The following CLPTM1L variants were observed in gnomAD, a reference collection of about 807,000 sequenced individuals.
The protein encoded by CLPTM1L is CLPTM1 like, also known as lipid scramblase CLPTM1L.
CLPTM1L carries 38 observed loss-of-function variants against 70.9 expected under a neutral mutation model. The ratio of observed to expected loss-of-function variants is 0.54; its 90% CI spans 0.41 to 0.70. The LOEUF (loss-of-function observed/expected upper bound fraction) is 0.70, where lower values mean the gene tolerates loss of function less well. Among genes scored for constraint, CLPTM1L ranks in the 30% least tolerant of loss-of-function variants. The pLI is 0.00. For synonymous variants in CLPTM1L, 339 were observed against 299.9 expected (o/e 1.13, Z -1.35); for missense variants, 652 against 705.9 (o/e 0.92, Z 0.87).
chr5:1,323,453 G>T (rs1284764932), intron 12 of CLPTM1L, among the ~76,000 whole-genome samples: 3 of 147,768 alleles, frequency 2.0e-5, no homozygotes, highest in Admixed American at 1.4e-4. Context: ...CACCCAGGCA[G>T]CAGAGGCCGG....
chr5:1,336,699 A>G (rs1290973118), intron 5 of CLPTM1L, among the ~76,000 whole-genome samples: 3 of 152,136 alleles, frequency 2.0e-5, no homozygotes, highest in Non-Finnish European at 4.4e-5. Flanking sequence ...CAGAGAAACT[A>G]CTCAGGGATA....
intron 4 of CLPTM1L, 30 bp downstream of exon 4, chr5:1,338,830 C>T: frequency 6.2e-7 from 1 of 1,611,686 alleles, no homozygotes; most frequent in Non-Finnish European, 8.5e-7. Flanking sequence ...CACCCTCCCC[C>T]CGGCGCTCCA....
chr5:1,330,557 AG>A, intron 8 of CLPTM1L, 174 bp from the exon 9 acceptor site: 1 of 594,414 alleles, frequency 1.7e-6, no homozygotes. Context: ...TTCAGCAGCT[AG>A]GAAAGTGTTT....
At chr5:1,332,666 G>C (rs116698139) in intron 7 of CLPTM1L, among the ~76,000 whole-genome samples, 128 of 152,326 alleles carry the variant, frequency 8.4e-4, no homozygotes, top group African/African-American at 3.0e-3. Context: ...CGGTTAGCAC[G>C]GAGCAGTGCG....
intron 5 of CLPTM1L, among the ~76,000 whole-genome samples, chr5:1,337,682 C>T (rs538362000): frequency 2.4e-4 from 36 of 152,368 alleles, no homozygotes; most frequent in African/African-American, 8.2e-4. Context: ...AGTCCAGAGG[C>T]TCAGCAGGAC....
chr5:1,332,890 CT>C (rs750210981), intron 7 of CLPTM1L, among the ~76,000 whole-genome samples: 17 of 152,320 alleles, frequency 1.1e-4, no homozygotes, highest in Non-Finnish European at 1.6e-4. Context: ...AACACACCCC[CT>C]GAGGATGAGG....
chr5:1,330,207 G>C, intron 9 of CLPTM1L, 73 bp downstream of exon 9: 1 of 1,260,690 alleles, frequency 7.9e-7, no homozygotes, highest in Non-Finnish European at 1.2e-6. Context: ...TCAGGTCCCG[G>C]GGCTGAAAGC....
chr5:1,331,947 G>T, intron 7 of CLPTM1L, 64 bp from the exon 8 acceptor site: 1 of 1,369,484 alleles, frequency 7.3e-7, no homozygotes, highest in Non-Finnish European at 1.0e-6. Flanking sequence ...GTGAGACAGA[G>T]ATAGAGGCTT....
rs911097268 is a variant in CLPTM1L at position 1,344,947 on chromosome 5, C to CG, written c.-107dup. On this transcript the variant is annotated 5_prime_UTR_variant, in exon 1 of 17. The change abolishes the stop of an existing upstream ORF in the 5' untranslated region. Coordinates refer to ENST00000320895, the MANE Select transcript of CLPTM1L (RefSeq NM_030782.5). ...CGGGCTCCGCCGCTCACTGGAGAGC[C>CG]GCCGCGCGCCACCGCCACCGCCGCG... 3.9e-5 allele frequency: 24 copies of CG among 619,810 alleles called. No individual in the cohort carries two copies. The highest frequency in any genetic ancestry group is 4.8e-5 in the Non-Finnish European group (24 of 497,486). The allele number at this position is 619,810 out of a possible 1,614,324, so 38.4% of individuals were successfully genotyped here.
At chr5:1,333,690 C>T (rs1439141594) in intron 7 of CLPTM1L, among the ~76,000 whole-genome samples, 13 of 95,212 alleles carry the variant, frequency 1.4e-4, no homozygotes, top group South Asian at 3.0e-4. Flanking sequence ...CTACTGTAGA[C>T]ACACCGCAAG....
At chr5:1,340,071 G>A (rs1272077767) in intron 3 of CLPTM1L, among the ~76,000 whole-genome samples, 2 of 152,204 alleles carry the variant, frequency 1.3e-5, no homozygotes, top group Non-Finnish European at 2.9e-5. Flanking sequence ...CCAGACTCTC[G>A]CCAAACAGCC....
intron 9 of CLPTM1L, among the ~76,000 whole-genome samples, chr5:1,328,964 GACACATTTCATACA>G (rs1752876278): frequency 6.6e-6 from 1 of 152,004 alleles, no homozygotes; most frequent in Non-Finnish European, 1.5e-5. Context: ...CTCCTCTACA[GACACATTTCATACA>G]GCTCCTCCTC....
rs201366704 is a variant in CLPTM1L at position 1,322,920 on chromosome 5, GA to G, written c.1281-10del. 4 of 1,606,822 alleles carry G rather than the reference GA, an allele frequency of 2.5e-6. No homozygotes were observed. Among genetic ancestry groups the G allele is most frequent in the East Asian group, 2.2e-5 (1 of 44,838 alleles). ...TTAACCAGGAGTACCAGCTGAAACG[GA>G]AAAAAAAGGAGAAGTCCTATTTCTC... On this transcript the variant is annotated splice_polypyrimidine_tract_variant and intron_variant, in intron 12 of 16. Transcript: ENST00000320895.
Position 1,331,854 on chromosome 5 carries a change from AT to A in CLPTM1L, c.920del (p.Asn307MetfsTer12). 6.2e-7 allele frequency: 1 copy of A among 1,613,378 alleles called. No individual in the cohort carries two copies. Among genetic ancestry groups the A allele is most frequent in the Non-Finnish European group, 8.5e-7 (1 of 1,179,960 alleles). Reference protein sequence around the residue: ...HLLFDFLAFKNDISFWKKKKS... With the variant: ...HLLFDFLAFKXDISFWKKKKS... Reference sequence around the variant, plus strand: ...TCTTCTTCTTCCAGAAACTGATGTCATTTTTAAAGGCCAGGAAATCAAAGAG... The same window carrying A: ...TCTTCTTCTTCCAGAAACTGATGTCATTTTAAAGGCCAGGAAATCAAAGAG... On this transcript the variant is annotated frameshift_variant, in exon 8 of 17. Transcript: ENST00000320895. LOFTEE classifies it high-confidence loss of function.
At chr5:1,325,621 C>T in intron 10 of CLPTM1L, 130 bp downstream of exon 10, 2 of 737,726 alleles carry the variant, frequency 2.7e-6, no homozygotes, top group Non-Finnish European at 4.8e-6. Context: ...GTGCTGCCTC[C>T]ACCACGGAGG....
At chr5:1,344,572 C>T (rs1274875024) in intron 1 of CLPTM1L, 108 bp downstream of exon 1, 3 of 1,455,098 alleles carry the variant, frequency 2.1e-6, no homozygotes, top group Non-Finnish European at 1.9e-6. Flanking sequence ...GGTTCCATCT[C>T]GACTCGCGCG....
At chr5:1,344,291 A>T in intron 2 of CLPTM1L, 60 bp downstream of exon 2, 1 of 1,159,310 alleles carries the variant, frequency 8.6e-7, no homozygotes, top group Non-Finnish European at 1.3e-6. Context: ...GCTAACTTTT[A>T]AACAATCTGA....
rs1254856335 is a variant in CLPTM1L, at chr5:1,335,174, C to T, written c.679G>A (p.Val227Ile). 2.6e-5 allele frequency: 42 copies of T among 1,612,256 alleles called. No individual in the cohort carries two copies. The highest frequency in any genetic ancestry group is 3.5e-5 in the Non-Finnish European group (41 of 1,179,002). Residue 227 changes from valine to isoleucine, a missense_variant and splice_region_variant, in exon 6 of 17, where the codon GTC (valine) becomes ATC (isoleucine). By Grantham distance (29) the Val-to-Ile change is conservative. This residue lies in a region of CLPTM1L where 402 missense variants were observed against 388.2 expected (regional missense o/e 1.04). Coordinates refer to ENST00000320895, the MANE Select transcript of CLPTM1L (RefSeq NM_030782.5). ...QLSNRVKDLM[V>I]INRSTTELPL... ...AGCTCGGTGGTGGAGCGGTTTATGA[C>T]CTGATGAAGAAAGCCACACTGAGGG...
At chr5:1,336,836 G>A (rs1318138083) in intron 5 of CLPTM1L, among the ~76,000 whole-genome samples, 7 of 152,184 alleles carry the variant, frequency 4.6e-5, no homozygotes, top group African/African-American at 1.2e-4. Flanking sequence ...GGGGTCTGAG[G>A]GAACAGCAGT....
Sources: gnomAD v4.1 joint callset for allele counts (sites outside exome capture counted in the v4.1 genomes callset) on GRCh38, gnomAD v4.1.1 for gene constraint, gnomAD v4.1.1 regional missense constraint, MANE v1.5 for transcripts, NCBI Gene and HGNC (gene_info 2026-07-23, HGNC 2026-07-21) for gene names.